Variants in FRMD7 observed in about 807,000 individuals in gnomAD.
FRMD7 encodes the protein FERM domain-containing protein 7.
Under a neutral mutation model 44.1 loss-of-function variants are expected in FRMD7, and 14 were observed. The ratio of observed to expected loss-of-function variants is 0.32; its 90% CI spans 0.21 to 0.50. The LOEUF (loss-of-function observed/expected upper bound fraction) is 0.50, where lower values mean the gene tolerates loss of function less well. FRMD7 is among the 20% of genes least tolerant of loss of function. The pLI is 0.99. For missense variants in FRMD7, 501 were observed against 522.3 expected (o/e 0.96, Z 0.40); for synonymous variants, 212 against 187.4 (o/e 1.13, Z -1.07).
At chrX:132,095,479 T>C (rs1209901920) in intron 4 of FRMD7, among the ~76,000 whole-genome samples, 4 of 112,143 alleles carry the variant, frequency 3.6e-5, no homozygotes, top group Non-Finnish European at 7.5e-5. Flanking sequence ...AAGGTCTATG[T>C]GTACTTTTTT....
chrX:132,120,818 T>C (rs1023376108), intron 1 of FRMD7, among the ~76,000 whole-genome samples: 2 of 112,296 alleles, frequency 1.8e-5, no homozygotes, highest in East Asian at 2.8e-4. Context: ...GTTCAATTTA[T>C]TCTCCAAAGC....
intron 5 of FRMD7, among the ~76,000 whole-genome samples, chrX:132,092,067 G>A (rs1928193037): frequency 9.0e-6 from 1 of 111,622 alleles, no homozygotes. Flanking sequence ...ACAAGGGCAA[G>A]GATTTTTGTC....
chrX:132,079,793 T>C (rs1478992289), intron 11 of FRMD7, among the ~76,000 whole-genome samples: 1 of 111,810 alleles, frequency 8.9e-6, no homozygotes, highest in Non-Finnish European at 1.9e-5. Flanking sequence ...GCCAGTTCTC[T>C]CCAGTCTATA....
intron 1 of FRMD7, among the ~76,000 whole-genome samples, chrX:132,108,728 C>T (rs1018863754): frequency 2.7e-5 from 3 of 111,080 alleles, no homozygotes; most frequent in Non-Finnish European, 5.7e-5. Context: ...GTGTCAAGGG[C>T]GGGACCAGAT....
At chrX:132,107,105 T>C (rs1269154687) in intron 1 of FRMD7, among the ~76,000 whole-genome samples, 1 of 111,946 alleles carries the variant, frequency 8.9e-6, no homozygotes, top group Middle Eastern at 4.2e-3. Flanking sequence ...GACTATACAA[T>C]TAAGGTTTCA....
rs1927633909 is a variant in FRMD7 at position 132,077,309 on chromosome X, G to T, written c.*563C>A. The T allele has an allele frequency of 8.8e-6, 1 of 113,803 alleles. No homozygotes were observed. The highest frequency in any genetic ancestry group is 1.8e-5 in the Non-Finnish European group (1 of 54,455). The allele number at this position is 113,803 out of a possible 1,213,427, so 9.4% of individuals were successfully genotyped here. ...TTCTAAACCTGTATTCTCTTGAGAGGATCTATGCCACCACCTCCTTCCTGA... is the reference window on the plus strand; with the variant it reads ...TTCTAAACCTGTATTCTCTTGAGAGTATCTATGCCACCACCTCCTTCCTGA... On this transcript the variant is annotated 3_prime_UTR_variant, in exon 12 of 12. Transcript: ENST00000298542.
At chrX:132,111,823 C>G (rs978950119) in intron 1 of FRMD7, among the ~76,000 whole-genome samples, 1 of 111,778 alleles carries the variant, frequency 8.9e-6, no homozygotes, top group Non-Finnish European at 1.9e-5. Flanking sequence ...TTAATTTTAG[C>G]CATCTGGTGA....
chrX:132,094,077 T>C lies in FRMD7; in HGVS notation c.347A>G (p.Asn116Ser), dbSNP rs770097894. The change falls in exon 5 of 12, where the codon AAC becomes AGC. Residue 116 changes from asparagine (N) to serine (S), a missense_variant. This residue lies in a region of FRMD7 where 453 missense variants were observed against 452.7 expected (regional missense o/e 1.00). Coordinates refer to ENST00000298542, the MANE Select transcript of FRMD7 (RefSeq NM_194277.3). ...LALGRLPCSD[N>S]CTALMVSHIL... is the part of the protein sequence containing the mutation. ...GTGAGATACCATCAACGCTGTACAGTTGTCACTGCATGGAAGCCTTCCTAG... is the reference window on the plus strand; with the variant it reads ...GTGAGATACCATCAACGCTGTACAGCTGTCACTGCATGGAAGCCTTCCTAG... 4.1e-5 allele frequency: 49 copies of C among 1,181,561 alleles called. No homozygotes were observed. In the East Asian group the frequency reaches 1.4e-3, roughly 34 times the overall value.
In FRMD7 at chrX:132,127,777, T is replaced by A; in HGVS notation, c.57+11A>T. ...TAATAAAGGAATAATAGCAATGTGA[T>A]TTCCACTTACATCAACCACAAAAAT... On this transcript the variant is annotated intron_variant, in intron 1 of 11. Coordinates refer to ENST00000298542, the MANE Select transcript of FRMD7 (RefSeq NM_194277.3). 2 of 1,179,759 alleles carry A rather than the reference T, an allele frequency of 1.7e-6. No individual in the cohort carries two copies. Among genetic ancestry groups the A allele is most frequent in the Non-Finnish European group, 2.3e-6 (2 of 866,177 alleles).
intron 7 of FRMD7, 60 bp from the exon 8 acceptor site, chrX:132,084,645 G>A: frequency 1.5e-6 from 1 of 683,892 alleles, no homozygotes; most frequent in Non-Finnish European, 2.4e-6. Flanking sequence ...TTGTAAGACA[G>A]TGCAAACCTG....
intron 5 of FRMD7, among the ~76,000 whole-genome samples, chrX:132,093,406 T>C (rs1185297279): frequency 8.9e-6 from 1 of 112,407 alleles, no homozygotes; most frequent in African/African-American, 3.2e-5. Flanking sequence ...TACCCTGCCC[T>C]TGGGGCTGTA....
intron 5 of FRMD7, among the ~76,000 whole-genome samples, chrX:132,089,262 A>G (rs1928093275): frequency 8.9e-6 from 1 of 112,222 alleles, no homozygotes; most frequent in African/African-American, 3.2e-5. Flanking sequence ...TATTCTTTTC[A>G]ACAAATGTTG....
At chrX:132,094,323 C>T in intron 4 of FRMD7, 184 bp from the exon 5 acceptor site, 1 of 435,402 alleles carries the variant, frequency 2.3e-6, no homozygotes, top group Non-Finnish European at 4.1e-6. Flanking sequence ...CGGACCACAA[C>T]TCAGCTGATT....
intron 5 of FRMD7, among the ~76,000 whole-genome samples, chrX:132,089,682 T>A (rs1029828843): frequency 2.7e-5 from 3 of 112,063 alleles, no homozygotes; most frequent in Non-Finnish European, 1.9e-5. Flanking sequence ...GGGCAAAAGA[T>A]TTGACTAGGC....
intron 1 of FRMD7, among the ~76,000 whole-genome samples, chrX:132,102,002 G>T (rs1319805677): frequency 9.0e-6 from 1 of 111,264 alleles, no homozygotes; most frequent in African/African-American, 3.3e-5. Flanking sequence ...TGCCTACAGT[G>T]CTGCAAAGGA....
At chrX:132,100,873 A>G (rs1928479814) in intron 1 of FRMD7, among the ~76,000 whole-genome samples, 157 bp from the exon 2 acceptor site, 1 of 112,004 alleles carries the variant, frequency 8.9e-6, no homozygotes, top group Non-Finnish European at 1.9e-5. Flanking sequence ...TGACCTTTAC[A>G]GATAGATCCA....
chrX:132,082,416 G>A lies in FRMD7; in HGVS notation c.852C>T (p.Pro284=), dbSNP rs767218915. The stretch of plus-strand genomic sequence containing the variant: ...AGAGTAGGGTTTTGGGCTTTGATTT[G>A]GGCTCTTCCGAAAGCCTGAAGAAAG... ...YHAFFRLSEE[P]KSKPKTLLCS... The change falls in exon 9 of 12, where the codon CCC becomes CCT. Residue 284 remains proline (P), a synonymous_variant. Transcript: ENST00000298542. 2 of 1,209,593 alleles carry A rather than the reference G, an allele frequency of 1.7e-6. No individual in the cohort carries two copies. The highest frequency in any genetic ancestry group is 3.5e-5 in the South Asian group (2 of 56,928).
intron 9 of FRMD7, among the ~76,000 whole-genome samples, chrX:132,080,868 G>A (rs1440228695): frequency 9.0e-6 from 1 of 111,124 alleles, no homozygotes; most frequent in Non-Finnish European, 1.9e-5. Context: ...CTCCAAATCA[G>A]AGTCAACTGA....
intron 5 of FRMD7, among the ~76,000 whole-genome samples, chrX:132,090,955 A>T (rs1238510529): frequency 9.0e-6 from 1 of 111,181 alleles, no homozygotes; most frequent in Non-Finnish European, 1.9e-5. Flanking sequence ...CTTCACTGTT[A>T]CCACGCTGGT....
Sources: gnomAD v4.1 joint callset for allele counts (sites outside exome capture counted in the v4.1 genomes callset) on GRCh38, gnomAD v4.1.1 for gene constraint, gnomAD v4.1.1 regional missense constraint, MANE v1.5 for transcripts, NCBI Gene and HGNC (gene_info 2026-07-23, HGNC 2026-07-21) for gene names.